The following PLCG2 variants were observed in gnomAD, a reference collection of about 807,000 sequenced individuals.
PLCG2 encodes phospholipase C gamma 2.
Under a neutral mutation model 175.6 loss-of-function variants are expected in PLCG2, and 69 were observed. The ratio of observed to expected loss-of-function variants is 0.39; its 90% CI spans 0.32 to 0.48. PLCG2 has a LOEUF of 0.48. Ranked by LOEUF, PLCG2 falls within the 20% of genes least tolerant of loss-of-function variation. PLCG2 has a pLI of 0.91. For synonymous variants in PLCG2, 827 were observed against 624.0 expected (o/e 1.33, Z -4.85); for missense variants, 1,798 against 1,650.9 (o/e 1.09, Z -1.54).
intron 1 of PLCG2, among the ~76,000 whole-genome samples, chr16:81,783,626 C>T (rs796854457): frequency 5.3e-5 from 8 of 152,104 alleles, no homozygotes; most frequent in South Asian, 2.1e-4. Context: ...TTCAGTTTTC[C>T]GCTGCCGTAT....
intron 2 of PLCG2, among the ~76,000 whole-genome samples, chr16:81,829,032 A>G (rs1419148267): frequency 6.6e-6 from 1 of 152,208 alleles, no homozygotes; most frequent in African/African-American, 2.4e-5. Flanking sequence ...TTTAATGATG[A>G]CAAGGACTGC....
chr16:81,933,002 C>T (rs1473759944), intron 25 of PLCG2, among the ~76,000 whole-genome samples: 1 of 152,232 alleles, frequency 6.6e-6, no homozygotes, highest in Non-Finnish European at 1.5e-5. Context: ...CCAAATAGTG[C>T]ACTCCAGCTC....
At chr16:81,832,205 G>A (rs993586829) in intron 2 of PLCG2, among the ~76,000 whole-genome samples, 2 of 152,142 alleles carry the variant, frequency 1.3e-5, no homozygotes, top group East Asian at 3.8e-4. Context: ...ATACTTGGGG[G>A]GATATTCACC....
chr16:81,799,759 A>T (rs1911639243), intron 2 of PLCG2, among the ~76,000 whole-genome samples: 1 of 151,390 alleles, frequency 6.6e-6, no homozygotes, highest in South Asian at 2.1e-4. Flanking sequence ...CACTTGGCTA[A>T]TTTTTTTGTA....
rs1422484087 is a variant in PLCG2, at chr16:81,916,283, CTTTTTTAAAAAAAGAAAAAAAACAACG to C, written c.2055-3179_2055-3153del. On this transcript the variant is annotated intron_variant, in intron 19 of 32. Transcript: ENST00000564138. ...TTTTTTTTTCAAAAGACTGGAAATC[CTTTTTTAAAAAAAGAAAAAAAACAACG>C]TTTTTTAAAAAAAGAAAAAAATAAA... Among the ~76,000 whole-genome samples, 25 of 109,230 alleles carry C rather than the reference CTTTTTTAAAAAAAGAAAAAAAACAACG, an allele frequency of 2.3e-4. No individual in the cohort carries two copies. In the South Asian group the frequency reaches 2.6e-3, roughly 11 times the overall value. 71.7% of individuals were successfully genotyped at this position (109,230 alleles called of 152,430 possible).
intron 2 of PLCG2, among the ~76,000 whole-genome samples, chr16:81,770,357 T>C (rs1910250757): frequency 6.6e-6 from 1 of 152,332 alleles, no homozygotes; most frequent in South Asian, 2.1e-4. Flanking sequence ...AAAGAATATT[T>C]AGAAAACAAT....
chr16:81,939,075 C>T (rs1367996080), intron 29 of PLCG2, among the ~76,000 whole-genome samples, 160 bp downstream of exon 29: 1 of 152,112 alleles, frequency 6.6e-6, no homozygotes, highest in East Asian at 1.9e-4. Context: ...GGGATACATA[C>T]AAAGGGCCAC....
chr16:81,891,357 G>A, intron 10 of PLCG2, 115 bp from the exon 11 acceptor site: 1 of 714,064 alleles, frequency 1.4e-6, no homozygotes, highest in Non-Finnish European at 2.6e-6. Context: ...GAGACCGCCT[G>A]TTGATTTCCC....
At chr16:81,787,428 A>G (rs1476447593) in intron 2 of PLCG2, among the ~76,000 whole-genome samples, 2 of 107,052 alleles carry the variant, frequency 1.9e-5, no homozygotes, top group African/African-American at 7.5e-5. Flanking sequence ...ATGGGATCTC[A>G]CTATGTCCAG....
intron 1 of PLCG2, chr16:81,783,076 G>T (rs562240359): frequency 1.4e-4 from 65 of 465,754 alleles, no homozygotes; most frequent in African/African-American, 1.1e-3. Flanking sequence ...GGCCCTCCCA[G>T]AGTGAGGGCT....
intron 3 of PLCG2, among the ~76,000 whole-genome samples, chr16:81,855,209 G>A (rs868272042): frequency 1.3e-3 from 176 of 139,682 alleles, no homozygotes; most frequent in Middle Eastern, 3.7e-3. Context: ...AAAAAAAAAA[G>A]AGAAGAAAAA....
chr16:81,881,313 G>C (rs140833314), intron 8 of PLCG2, among the ~76,000 whole-genome samples: 2 of 152,266 alleles, frequency 1.3e-5, no homozygotes, highest in East Asian at 3.9e-4. Context: ...TGTTAAACAG[G>C]TTTAACTGAA....
At chr16:81,868,690 C>G (rs542952782) in intron 5 of PLCG2, among the ~76,000 whole-genome samples, 3 of 152,242 alleles carry the variant, frequency 2.0e-5, no homozygotes, top group Non-Finnish European at 4.4e-5. Flanking sequence ...CACATCATGT[C>G]AACACCTATA....
At chr16:81,752,721 G>C (rs966000873) in intron 1 of PLCG2, among the ~76,000 whole-genome samples, 2 of 152,206 alleles carry the variant, frequency 1.3e-5, no homozygotes, top group African/African-American at 4.8e-5. Flanking sequence ...GACTGTAGAC[G>C]AGGCCCACTC....
At chr16:81,907,276 A>T (rs970470101) in intron 15 of PLCG2, among the ~76,000 whole-genome samples, 29 of 152,142 alleles carry the variant, frequency 1.9e-4, no homozygotes, top group Non-Finnish European at 1.5e-5. Context: ...GTACTTTACA[A>T]TAAAACCAGA....
intron 2 of PLCG2, among the ~76,000 whole-genome samples, chr16:81,835,377 C>T (rs1248147064): frequency 6.6e-6 from 1 of 151,930 alleles, no homozygotes; most frequent in Non-Finnish European, 1.5e-5. Context: ...GGGCAGATCA[C>T]CTGAGGTCAG....
At chr16:81,797,016 G>A (rs1303856767) in intron 2 of PLCG2, among the ~76,000 whole-genome samples, 2 of 152,194 alleles carry the variant, frequency 1.3e-5, no homozygotes, top group Middle Eastern at 3.2e-3. Context: ...TTGTCATAAC[G>A]GAATTTAAGA....
intron 2 of PLCG2, among the ~76,000 whole-genome samples, chr16:81,816,013 G>C (rs1904528612): frequency 6.7e-6 from 1 of 150,056 alleles, no homozygotes; most frequent in Admixed American, 6.7e-5. Flanking sequence ...GGTGAGCCGA[G>C]ATTGTGCCAC....
intron 2 of PLCG2, among the ~76,000 whole-genome samples, chr16:81,788,330 G>C (rs1911074956): frequency 6.6e-6 from 1 of 152,156 alleles, no homozygotes; most frequent in African/African-American, 2.4e-5. Flanking sequence ...GCCCAGGCTG[G>C]AGTGCAGTAG....
Sources: gnomAD v4.1 joint callset for allele counts (sites outside exome capture counted in the v4.1 genomes callset) on GRCh38, gnomAD v4.1.1 for gene constraint, MANE v1.5 for transcripts, NCBI Gene and HGNC (gene_info 2026-07-23, HGNC 2026-07-21) for gene names.